Variants in COMMD7 observed in about 807,000 individuals in gnomAD.
COMMD7 encodes the protein COMM domain-containing protein 7.
COMMD7 carries 28 observed loss-of-function variants against 34.8 expected under a neutral mutation model. That is an observed-to-expected ratio of 0.80 (90% CI 0.60 to 1.10). The LOEUF is 1.10. Among genes scored for constraint, COMMD7 ranks in the 50% least tolerant of loss-of-function variants. COMMD7 has a pLI of 0.00. For synonymous variants in COMMD7, 80 were observed against 86.4 expected, an observed-to-expected ratio of 0.93 and a Z score of 0.41; for missense variants, 211 against 241.6, an observed-to-expected ratio of 0.87 and a Z score of 0.84.
chr20:32,705,454 A>G (rs926166344), intron 5 of COMMD7, among the ~76,000 whole-genome samples: 1 of 150,856 alleles, frequency 6.6e-6, no homozygotes, highest in Non-Finnish European at 1.5e-5. Context: ...GCTCGCTGCA[A>G]GCTCCACCTC....
intron 3 of COMMD7, among the ~76,000 whole-genome samples, chr20:32,721,789 G>A (rs777706207): frequency 3.9e-5 from 6 of 152,080 alleles, no homozygotes; most frequent in Non-Finnish European, 7.4e-5. Flanking sequence ...CCAGCTACTC[G>A]GGAGGCTAAG....
In COMMD7 at chr20:32,728,075, A is replaced by C. The variant is rs1042076093; in HGVS notation, c.138+14T>G. 1.2e-6 allele frequency: 2 copies of C among 1,613,812 alleles called. No homozygotes were observed. The highest frequency in any genetic ancestry group is 1.7e-6 in the Non-Finnish European group (2 of 1,179,816). On this transcript the variant is annotated intron_variant, in intron 2 of 8. Transcript: ENST00000278980. ...AGCACGGACCCACTCCCTAACACAG[A>C]ATGTTTTATTTACCTCTTTTGGCTC...
rs1600998639 is a variant in COMMD7 at position 32,730,106 on chromosome 20, T to C, written c.85-1964A>G. On this transcript the variant is annotated intron_variant, in intron 1 of 8. Coordinates refer to ENST00000278980, the MANE Select transcript of COMMD7 (RefSeq NM_053041.3). ...TACCAGCTGCCCAGGTATTTTGTTA[T>C]GGCAGCCTGAGCTGACTGAGACACA... 1.3e-5 allele frequency among the ~76,000 whole-genome samples: 2 copies of C among 152,266 alleles called. 1 individual carries two copies. Among genetic ancestry groups the C allele is most frequent in the Middle Eastern group, 6.8e-3 (2 of 294 alleles).
Position 32,706,622 on chromosome 20 carries a change from T to C in COMMD7, c.299-2A>G, listed in dbSNP as rs1286205819. 1 of 1,611,912 alleles carries C rather than the reference T, an allele frequency of 6.2e-7. No individual in the cohort carries two copies. Among genetic ancestry groups the C allele is most frequent in the Non-Finnish European group, 8.5e-7 (1 of 1,178,290 alleles). Reference sequence around the variant, plus strand: ...AAGTGGCTTTCTCCTCACTAAGACCTATAAGAGAACAGAAGGAGATATTAA... The same window carrying C: ...AAGTGGCTTTCTCCTCACTAAGACCCATAAGAGAACAGAAGGAGATATTAA... On this transcript the variant is annotated splice_acceptor_variant, in intron 4 of 8. Transcript: ENST00000278980. LOFTEE classifies it high-confidence loss of function.
intron 3 of COMMD7, among the ~76,000 whole-genome samples, chr20:32,713,755 G>A (rs1984607735): frequency 6.6e-6 from 1 of 152,212 alleles, no homozygotes; most frequent in Admixed American, 6.5e-5. Context: ...CTGCCCTTAT[G>A]AGGCTTCCAT....
chr20:32,703,945 T>G, intron 8 of COMMD7, 78 bp downstream of exon 8: 2 of 1,607,422 alleles, frequency 1.2e-6, no homozygotes, highest in Non-Finnish European at 1.7e-6. Context: ...AAGACATGAT[T>G]TGTGGTGAGC....
chr20:32,726,011 T>C (rs1278174878), intron 3 of COMMD7, among the ~76,000 whole-genome samples: 2 of 138,128 alleles, frequency 1.4e-5, no homozygotes, highest in Admixed American at 8.1e-5. Flanking sequence ...TGCAGTAAGC[T>C]GAGATCATGC....
chr20:32,742,112 G>C (rs541314921), intron 1 of COMMD7, among the ~76,000 whole-genome samples: 1 of 152,262 alleles, frequency 6.6e-6, no homozygotes, highest in South Asian at 2.1e-4. Context: ...GGTTGAACCT[G>C]GGAGGCGGAG....
rs1185724566 is a variant in COMMD7 at position 32,703,762 on chromosome 20, C to T, written c.526+261G>A. The T allele has an allele frequency of 2.7e-6, 4 of 1,482,630 alleles. No individual in the cohort carries two copies. In the African/African-American group the frequency reaches 4.3e-5, roughly 16 times the overall value. The allele number at this position is 1,482,630 out of a possible 1,614,324, so 91.8% of individuals were successfully genotyped here. A position where few individuals can be genotyped will look rare whatever the true frequency, so the allele number is the denominator to read the frequency against. Reference sequence around the variant, plus strand: ...TGGCAAGAGCTTCTTGCTCGTCAACCTTCTTCTTCAATCCCAGCCATTCCG... The same window carrying T: ...TGGCAAGAGCTTCTTGCTCGTCAACTTTCTTCTTCAATCCCAGCCATTCCG... On this transcript the variant is annotated intron_variant, in intron 8 of 8. Coordinates refer to ENST00000278980, the MANE Select transcript of COMMD7 (RefSeq NM_053041.3).
Position 32,716,620 on chromosome 20 carries a change from C to CA in COMMD7, c.242-9861dup, listed in dbSNP as rs201058359. The stretch of plus-strand genomic sequence containing the variant: ...ACAGAGTGAGACTCCGTCTCAAAAA[C>CA]AAAAAAAACAAAACATAATCCAGTT... On this transcript the variant is annotated intron_variant, in intron 3 of 8. Coordinates refer to ENST00000278980, the MANE Select transcript of COMMD7 (RefSeq NM_053041.3). Among the ~76,000 whole-genome samples the CA allele has an allele frequency of 2.6e-3, 392 of 151,582 alleles. 3 individuals carry two copies. Among genetic ancestry groups the CA allele is most frequent in the African/African-American group, 8.9e-3 (370 of 41,354 alleles).
chr20:32,742,816 G>T (rs1986515380), intron 1 of COMMD7, among the ~76,000 whole-genome samples: 1 of 151,994 alleles, frequency 6.6e-6, no homozygotes, highest in Admixed American at 6.6e-5. Context: ...AAGCTTCCCC[G>T]GGCCCCCTCA....
chr20:32,736,867 C>G (rs1218524966), intron 1 of COMMD7, among the ~76,000 whole-genome samples: 1 of 151,996 alleles, frequency 6.6e-6, no homozygotes, highest in Non-Finnish European at 1.5e-5. Flanking sequence ...TGGCACAACC[C>G]CATTTCTTCA....
chr20:32,743,240 C>T, intron 1 of COMMD7, 68 bp downstream of exon 1: 1 of 810,202 alleles, frequency 1.2e-6, no homozygotes, highest in East Asian at 3.2e-5. Flanking sequence ...CCGGACGTCC[C>T]CCCCACCCCA....
At chr20:32,706,057 G>T (rs1373545501) in intron 5 of COMMD7, among the ~76,000 whole-genome samples, 1 of 151,928 alleles carries the variant, frequency 6.6e-6, no homozygotes, top group African/African-American at 2.4e-5. Context: ...AATTAGCCAG[G>T]CATGGTGGCA....
intron 3 of COMMD7, among the ~76,000 whole-genome samples, chr20:32,712,175 CAGG>C (rs1984488723): frequency 6.9e-6 from 1 of 144,720 alleles, no homozygotes; most frequent in Non-Finnish European, 1.5e-5. Flanking sequence ...GAGGCTGAGA[CAGG>C]AGAATTGCTT....
intron 1 of COMMD7, among the ~76,000 whole-genome samples, chr20:32,740,730 T>C (rs570011320): frequency 4.7e-5 from 7 of 149,622 alleles, no homozygotes; most frequent in African/African-American, 1.7e-4. Context: ...CCCAGCTATT[T>C]GGGAGGCTGA....
At position 32,706,621 on chromosome 20, in the gene COMMD7, C is replaced by T; in HGVS notation, c.299-1G>A. 6.2e-7 allele frequency: 1 copy of T among 1,611,872 alleles called. No individual in the cohort carries two copies. The highest frequency in any genetic ancestry group is 8.5e-7 in the Non-Finnish European group (1 of 1,178,116). Reference sequence around the variant, plus strand: ...TAAGTGGCTTTCTCCTCACTAAGACCTATAAGAGAACAGAAGGAGATATTA... The same window carrying T: ...TAAGTGGCTTTCTCCTCACTAAGACTTATAAGAGAACAGAAGGAGATATTA... On this transcript the variant is annotated splice_acceptor_variant, in intron 4 of 8. Coordinates refer to ENST00000278980, the MANE Select transcript of COMMD7 (RefSeq NM_053041.3). LOFTEE classifies it high-confidence loss of function.
intron 3 of COMMD7, among the ~76,000 whole-genome samples, chr20:32,722,246 GAA>G (rs747223357): frequency 2.7e-5 from 1 of 37,026 alleles, no homozygotes; most frequent in Non-Finnish European, 4.4e-5. Context: ...ACTCTGTCTC[GAA>G]AAAAAAAAAA....
intron 1 of COMMD7, among the ~76,000 whole-genome samples, chr20:32,731,220 A>G (rs1985815180): frequency 6.6e-6 from 1 of 152,190 alleles, no homozygotes; most frequent in Non-Finnish European, 1.5e-5. Flanking sequence ...CAGGAGGCTG[A>G]GGCAGGAGGA....
Sources: allele counts gnomAD v4.1 joint callset (sites outside exome capture counted in the v4.1 genomes callset), GRCh38; gene constraint gnomAD v4.1.1; transcripts MANE v1.5; gene names NCBI Gene and HGNC (gene_info 2026-07-23, HGNC 2026-07-21).